Variants in PRRC2C observed in about 807,000 individuals in gnomAD.
PRRC2C encodes the protein proline rich coiled-coil 2C, also known as protein PRRC2C.
In PRRC2C, 72 loss-of-function variants were observed where a neutral mutation model predicts 317.2. The ratio of observed to expected loss-of-function variants is 0.23; its 90% CI spans 0.19 to 0.28. The LOEUF is 0.28. PRRC2C is among the 10% of genes least tolerant of loss of function. PRRC2C has a pLI of 1.00. For synonymous variants in PRRC2C, 1,296 were observed against 1,205.9 expected (o/e 1.07, Z -1.55); for missense variants, 3,074 against 3,459.7 (o/e 0.89, Z 2.80).
intron 11 of PRRC2C, among the ~76,000 whole-genome samples, chr1:171,528,957 A>AC (rs1223663391): frequency 1.3e-5 from 2 of 151,926 alleles, no homozygotes; most frequent in African/African-American, 4.8e-5. Flanking sequence ...GGTGCACACC[A>AC]CCACGCCAGG....
chr1:171,498,940 G>A (rs371374423), intron 1 of PRRC2C, among the ~76,000 whole-genome samples: 8 of 152,124 alleles, frequency 5.3e-5, no homozygotes, highest in East Asian at 3.9e-4. Flanking sequence ...TAGCTGGGAC[G>A]GGGACTATAA....
intron 12 of PRRC2C, among the ~76,000 whole-genome samples, chr1:171,533,645 G>A (rs899994772): frequency 5.9e-5 from 9 of 152,066 alleles, no homozygotes; most frequent in African/African-American, 2.2e-4. Flanking sequence ...TTGTTTTTGA[G>A]ACAGAGTCTC....
At chr1:171,547,730 A>C (rs902235359) in intron 17 of PRRC2C, among the ~76,000 whole-genome samples, 1 of 135,590 alleles carries the variant, frequency 7.4e-6, no homozygotes, top group African/African-American at 2.8e-5. Context: ...TGCAACCTCT[A>C]CCTCCTCGGT....
chr1:171,535,504 A>G lies in PRRC2C; in HGVS notation c.1950A>G (p.Glu650=). 8 of 1,614,000 alleles carry G rather than the reference A, an allele frequency of 5.0e-6. No homozygotes were observed. The highest frequency in any genetic ancestry group is 2.2e-5 in the East Asian group (1 of 44,882). ...CCACACCAGTGGTGCATGAAACAGA[A>G]CCAGAATCAGGGTCTCAACCTCGGC... The part of the protein sequence containing the change: ...KEATPVVHET[E]PESGSQPRPA... The change falls in exon 13 of 35, where the codon GAA becomes GAG. Residue 650 remains glutamate, a synonymous_variant. Coordinates refer to ENST00000647382, the MANE Select transcript of PRRC2C (RefSeq NM_001387844.1).
chr1:171,518,661 CTTT>C (rs386368727), intron 6 of PRRC2C, among the ~76,000 whole-genome samples: 1 of 58,138 alleles, frequency 1.7e-5, no homozygotes, highest in East Asian at 6.2e-4. Context: ...CCACACCTGG[CTTT>C]TTTTTTTTTT....
chr1:171,518,259 G>T (rs1672755703), intron 6 of PRRC2C, among the ~76,000 whole-genome samples: 1 of 152,064 alleles, frequency 6.6e-6, no homozygotes, highest in Admixed American at 6.6e-5. Context: ...TAAATACAGA[G>T]AACAATTACA....
rs766536643 is a variant in PRRC2C, at chr1:171,540,562, G to C, written c.3096G>C (p.Gln1032His). 5 of 1,613,842 alleles carry C rather than the reference G, an allele frequency of 3.1e-6. No individual in the cohort carries two copies. The African/African-American group carries it at 5.3e-5, about 17-fold the overall frequency. ...VLRDMKEEREQRKEKEGEKAE... is the reference protein window; with the variant it reads ...VLRDMKEEREHRKEKEGEKAE... ...GAGATATGAAAGAGGAACGGGAACA[G>C]AGGAAGGAGAAAGAAGGAGAAAAGG... The change falls in exon 16 of 35, where the codon CAG becomes CAC. Residue 1032 changes from glutamine to histidine, a missense_variant. Physicochemically the swap from Gln to His is conservative, Grantham distance 24. This residue lies in a region of PRRC2C where 1,320 missense variants were observed against 1,395.7 expected (regional missense o/e 0.95). Coordinates refer to ENST00000647382, the MANE Select transcript of PRRC2C (RefSeq NM_001387844.1).
Position 171,566,582 on chromosome 1 carries a change from T to A in PRRC2C, c.6307-10T>A. On this transcript the variant is annotated splice_polypyrimidine_tract_variant and intron_variant, in intron 21 of 34. Transcript: ENST00000647382. ...ATAAACATAGTTTTATCATAAACAT[T>A]TGACTTTAGCTTCCAGATTTGAGTC... 6.4e-7 allele frequency: 1 copy of A among 1,556,748 alleles called. No homozygotes were observed. The highest frequency in any genetic ancestry group is 8.7e-7 in the Non-Finnish European group (1 of 1,153,842).
rs1491512714 is a variant in PRRC2C, at chr1:171,569,573, TAA to T, written c.6651+1236_6651+1237del. Among the ~76,000 whole-genome samples, 14 of 98,178 alleles carry T rather than the reference TAA, an allele frequency of 1.4e-4. 1 individual carries two copies. The Admixed American group carries it at 1.4e-3, about 10-fold the overall frequency. 64.4% of individuals were successfully genotyped at this position (98,178 alleles called of 152,430 possible). On this transcript the variant is annotated intron_variant, in intron 23 of 34. Coordinates refer to ENST00000647382, the MANE Select transcript of PRRC2C (RefSeq NM_001387844.1). ...ACCCCCCACTTTTATGAAAGTGGTT[TAA>T]ATATATATATATATATATGGTTTTT...
intron 1 of PRRC2C, among the ~76,000 whole-genome samples, chr1:171,495,847 G>T (rs1667992209): frequency 6.6e-6 from 1 of 152,136 alleles, no homozygotes; most frequent in African/African-American, 2.4e-5. Flanking sequence ...GTATAGACTG[G>T]ATGGCTTAAA....
In PRRC2C at chr1:171,532,440, G is replaced by A. The variant is rs148915470; in HGVS notation, c.1352G>A (p.Arg451Gln). The A allele has an allele frequency of 7.4e-6, 12 of 1,613,854 alleles. No homozygotes were observed. Among genetic ancestry groups the A allele is most frequent in the Admixed American group, 1.7e-5 (1 of 60,004 alleles). Residue 451 changes from arginine to glutamine, a missense_variant, in exon 12 of 35, where the codon CGA (arginine) becomes CAA (glutamine). Transcript: ENST00000647382. ...ADEDEIWKQR[R>Q]RQQSEISAAV... The stretch of plus-strand genomic sequence containing the variant: ...GAAGATGAAATATGGAAGCAAAGAC[G>A]AAGACAACAATCAGAAATTTCTGCA...
Position 171,579,903 on chromosome 1 carries a change from G to A in PRRC2C, c.7348G>A (p.Gly2450Arg). ...QGQHQAQLSL[G>R]AGPAVSQAQE... Reference sequence around the variant, plus strand: ...GCAGCATCAAGCCCAACTGAGTTTGGGGGCTGGCCCTGCTGTTTCCCAGGC... The same window carrying A: ...GCAGCATCAAGCCCAACTGAGTTTGAGGGCTGGCCCTGCTGTTTCCCAGGC... The change falls in exon 28 of 35, where the codon GGG becomes AGG. Residue 2450 changes from glycine to arginine, a missense_variant. Physicochemically the swap from Gly to Arg is moderately radical, Grantham distance 125. Around this residue, in one of 11 missense-constraint regions of PRRC2C, gnomAD observed 490 missense variants for 663.1 expected, o/e 0.74. Coordinates refer to ENST00000647382, the MANE Select transcript of PRRC2C (RefSeq NM_001387844.1). 2 of 1,599,050 alleles carry A rather than the reference G, an allele frequency of 1.3e-6. No homozygotes were observed. Among genetic ancestry groups the A allele is most frequent in the Non-Finnish European group, 1.7e-6 (2 of 1,174,272 alleles).
intron 21 of PRRC2C, 57 bp from the exon 22 acceptor site, chr1:171,566,535 T>A (rs1683698886): frequency 6.7e-7 from 1 of 1,492,750 alleles, no homozygotes; most frequent in African/African-American, 1.4e-5. Flanking sequence ...CATGGTGCAA[T>A]GATGAAAGAT....
At chr1:171,590,654 G>A (rs1651215279) in intron 34 of PRRC2C, among the ~76,000 whole-genome samples, 1 of 152,086 alleles carries the variant, frequency 6.6e-6, no homozygotes, top group South Asian at 2.1e-4. Flanking sequence ...AGACTACCCA[G>A]CAGCAAAACT....
At position 171,514,523 on chromosome 1, in the gene PRRC2C, A is replaced by T. The variant is rs1557890280; in HGVS notation, c.291-13A>T. Reference sequence around the variant, plus strand: ...ACAGTATCTGAAATAATGGATTCATATTTTTTTTTAAGAACACCAGAAGTG... The same window carrying T: ...ACAGTATCTGAAATAATGGATTCATTTTTTTTTTTAAGAACACCAGAAGTG... On this transcript the variant is annotated splice_polypyrimidine_tract_variant and intron_variant, in intron 3 of 34. Transcript: ENST00000647382. 1.5e-5 allele frequency: 22 copies of T among 1,489,656 alleles called. No individual in the cohort carries two copies. Among genetic ancestry groups the T allele is most frequent in the South Asian group, 1.2e-5 (1 of 80,552 alleles). 92.3% of individuals were successfully genotyped at this position (1,489,656 alleles called of 1,614,324 possible).
intron 26 of PRRC2C, among the ~76,000 whole-genome samples, chr1:171,578,947 AC>A (rs1200458548): frequency 6.6e-6 from 1 of 152,186 alleles, no homozygotes; most frequent in Non-Finnish European, 1.5e-5. Flanking sequence ...TTTATACCAA[AC>A]TTTTAAAATT....
chr1:171,586,234 T>G (rs1000922763), intron 30 of PRRC2C, among the ~76,000 whole-genome samples: 3 of 150,342 alleles, frequency 2.0e-5, no homozygotes, highest in Non-Finnish European at 3.0e-5. Context: ...GGCTAATTTT[T>G]GTATTTTATT....
chr1:171,576,769 T>G (rs1265059332), intron 25 of PRRC2C, among the ~76,000 whole-genome samples: 1 of 151,318 alleles, frequency 6.6e-6, no homozygotes, highest in Non-Finnish European at 1.5e-5. Context: ...CACTGTTCAC[T>G]GCAGCCTCAA....
chr1:171,575,463 G>T (rs1006862508), intron 25 of PRRC2C, among the ~76,000 whole-genome samples: 6 of 152,180 alleles, frequency 3.9e-5, no homozygotes, highest in African/African-American at 1.4e-4. Flanking sequence ...GGTGCTGTTG[G>T]CCTAAACCTG....
Sources: gnomAD v4.1 joint callset for allele counts (sites outside exome capture counted in the v4.1 genomes callset) on GRCh38, gnomAD v4.1.1 for gene constraint, gnomAD v4.1.1 regional missense constraint, MANE v1.5 for transcripts, NCBI Gene and HGNC (gene_info 2026-07-23, HGNC 2026-07-21) for gene names.